The following CKAP5 variants were observed in gnomAD, a reference collection of about 807,000 sequenced individuals.
CKAP5 encodes the protein cytoskeleton associated protein 5.
A neutral mutation model predicts 232.8 loss-of-function variants in CKAP5; 27 were observed. The observed-to-expected ratio is 0.12, with a 90% CI of 0.09 to 0.16. The LOEUF (loss-of-function observed/expected upper bound fraction) is 0.16. Ranked by LOEUF, CKAP5 falls within the 10% of genes least tolerant of loss-of-function variation. The pLI is 1.00. For missense variants in CKAP5, 1,838 were observed against 2,424.7 expected (o/e 0.76, Z 5.08); for synonymous variants, 785 against 841.1 (o/e 0.93, Z 1.16).
chr11:46,801,297 C>T lies in CKAP5; in HGVS notation c.986G>A (p.Gly329Glu), dbSNP rs1280682925. The T allele has an allele frequency of 6.2e-7, 1 of 1,612,080 alleles. No individual in the cohort carries two copies. The highest frequency in any genetic ancestry group is 1.7e-4 in the Middle Eastern group (1 of 6,050). Residue 329 changes from glycine (G) to glutamate (E), a missense_variant, in exon 9 of 44, where the codon GGA (glycine) becomes GAA (glutamate). Transcript: ENST00000529230. ...CACCAACATGACATTGGTGTCCTTT[C>T]CAACAACCTACAAAGGGGGGTAAAA... ...DLVKALKKVV[G>E]KDTNVMLVAL...
chr11:46,748,839 T>C (rs550289591), intron 42 of CKAP5, among the ~76,000 whole-genome samples: 4 of 151,610 alleles, frequency 2.6e-5, no homozygotes, highest in Admixed American at 6.6e-5. Flanking sequence ...TTTTTTTGTT[T>C]GTTTGTTTTT....
chr11:46,833,188 C>G (rs1453436695), intron 1 of CKAP5, among the ~76,000 whole-genome samples: 1 of 151,908 alleles, frequency 6.6e-6, no homozygotes, highest in Admixed American at 6.6e-5. Context: ...GAAAGTGATA[C>G]TCAGGCTGAA....
intron 42 of CKAP5, 41 bp from the exon 43 acceptor site, chr11:46,744,618 T>G: frequency 1.9e-6 from 3 of 1,579,132 alleles, no homozygotes; most frequent in Non-Finnish European, 2.6e-6. Context: ...GATATCCACA[T>G]ATCCCCCTTC....
At chr11:46,835,687 T>C (rs997333290) in intron 1 of CKAP5, among the ~76,000 whole-genome samples, 3 of 152,042 alleles carry the variant, frequency 2.0e-5, no homozygotes, top group Non-Finnish European at 4.4e-5. Flanking sequence ...AAGCAATAAA[T>C]GGGTGAAAAG....
chr11:46,831,391 CTT>C (rs1007385677), intron 1 of CKAP5, among the ~76,000 whole-genome samples: 3 of 152,186 alleles, frequency 2.0e-5, no homozygotes, highest in African/African-American at 4.8e-5. Context: ...CACTCTCTCT[CTT>C]AACATTTTTT....
chr11:46,761,171 C>T (rs1419180999), intron 32 of CKAP5, among the ~76,000 whole-genome samples: 1 of 151,012 alleles, frequency 6.6e-6, no homozygotes, highest in Non-Finnish European at 1.5e-5. Context: ...ATCACTTGAG[C>T]CTGGGAGGTC....
intron 16 of CKAP5, 35 bp from the exon 17 acceptor site, chr11:46,784,708 A>G (rs1257488951): frequency 6.6e-7 from 1 of 1,509,940 alleles, no homozygotes; most frequent in Middle Eastern, 1.7e-4. Context: ...GCTAAGAGCA[A>G]GCCAAGGACA....
rs751543032 is a variant in CKAP5 at position 46,758,998 on chromosome 11, T to A, written c.4614A>T (p.Thr1538=). The A allele has an allele frequency of 7.4e-6, 12 of 1,613,430 alleles. No homozygotes were observed. In the South Asian group the frequency reaches 1.3e-4, roughly 18 times the overall value. ...SPHFDDMHSN[T]ASTINFIISQ... is the part of the protein sequence containing the mutation. ...AGATAATGAAATTGATTGTGGATGC[T>A]GTATTACTGTGCATGTCATCGAAGT... is the stretch of plus-strand genomic sequence containing the variant. The change falls in exon 35 of 44, where the codon ACA becomes ACT. Residue 1538 remains threonine (T), a synonymous_variant. Transcript: ENST00000529230.
chr11:46,760,831 A>G, intron 32 of CKAP5, 47 bp from the exon 33 acceptor site: 1 of 1,499,216 alleles, frequency 6.7e-7, no homozygotes, highest in South Asian at 1.2e-5. Flanking sequence ...ACACAATAAT[A>G]TCTATTTTCA....
chr11:46,788,049 A>G (rs1354773151), intron 16 of CKAP5, among the ~76,000 whole-genome samples: 1 of 152,196 alleles, frequency 6.6e-6, no homozygotes, highest in African/African-American at 2.4e-5. Context: ...AGCTTACTTT[A>G]TTGTAAGAAT....
At chr11:46,812,411 T>C (rs996928350) in intron 4 of CKAP5, among the ~76,000 whole-genome samples, 1 of 152,222 alleles carries the variant, frequency 6.6e-6, no homozygotes. Context: ...AGTTCCCAAC[T>C]GGCCAATTTT....
intron 35 of CKAP5, among the ~76,000 whole-genome samples, chr11:46,758,519 A>C (rs569673632): frequency 6.6e-6 from 1 of 152,236 alleles, no homozygotes; most frequent in Non-Finnish European, 1.5e-5. Flanking sequence ...CCTCTGGTGA[A>C]TCAATGCAAT....
chr11:46,753,858 C>T (rs2065089516), intron 36 of CKAP5, among the ~76,000 whole-genome samples: 1 of 151,898 alleles, frequency 6.6e-6, no homozygotes, highest in African/African-American at 2.4e-5. Context: ...TCCTGAAGTG[C>T]TGGGATTACA....
At chr11:46,808,264 G>C (rs771852980) in intron 7 of CKAP5, 120 bp from the exon 8 acceptor site, 1 of 664,882 alleles carries the variant, frequency 1.5e-6, no homozygotes. Context: ...AAAACTGGCC[G>C]GGCGCAGTGG....
At chr11:46,778,357 T>A (rs917517347) in intron 21 of CKAP5, 44 bp from the exon 22 acceptor site, 1 of 1,601,640 alleles carries the variant, frequency 6.2e-7, no homozygotes, top group African/African-American at 1.3e-5. Flanking sequence ...TCCAAAAAAA[T>A]GATGATATCA....
intron 24 of CKAP5, among the ~76,000 whole-genome samples, chr11:46,772,316 G>A (rs2065254816): frequency 6.6e-6 from 1 of 151,870 alleles, no homozygotes; most frequent in South Asian, 2.1e-4. Context: ...TTTTCATGTG[G>A]TCCAATTTAT....
At chr11:46,786,990 T>C (rs558450211) in intron 16 of CKAP5, among the ~76,000 whole-genome samples, 22 of 152,264 alleles carry the variant, frequency 1.4e-4, no homozygotes, top group African/African-American at 5.1e-4. Flanking sequence ...TCATACTGTC[T>C]ATGAATTTGA....
At chr11:46,822,852 A>G (rs1251238492) in intron 1 of CKAP5, among the ~76,000 whole-genome samples, 1 of 152,194 alleles carries the variant, frequency 6.6e-6, no homozygotes, top group Non-Finnish European at 1.5e-5. Flanking sequence ...ATGTTTATAT[A>G]AACAAGTACA....
chr11:46,819,822 G>A (rs1410619080), intron 2 of CKAP5, among the ~76,000 whole-genome samples: 4 of 151,982 alleles, frequency 2.6e-5, no homozygotes. Flanking sequence ...TTAGAGTGAA[G>A]TATAACATAA....
Sources: allele counts gnomAD v4.1 joint callset (sites outside exome capture counted in the v4.1 genomes callset), GRCh38; gene constraint gnomAD v4.1.1; transcripts MANE v1.5; gene names NCBI Gene and HGNC (gene_info 2026-07-23, HGNC 2026-07-21).